The following CACNA2D1 variants were observed in gnomAD, a reference collection of about 807,000 sequenced individuals.
CACNA2D1 encodes voltage-dependent calcium channel subunit alpha-2/delta-1.
Under a neutral mutation model 171.5 loss-of-function variants are expected in CACNA2D1, and 53 were observed. That is an observed-to-expected ratio of 0.31 (90% CI 0.25 to 0.39). The LOEUF (loss-of-function observed/expected upper bound fraction) is 0.39, where lower values mean the gene tolerates loss of function less well. Ranked by LOEUF, CACNA2D1 falls within the 10% of genes least tolerant of loss-of-function variation. CACNA2D1 has a pLI of 1.00. For synonymous variants in CACNA2D1, 442 were observed against 443.1 expected, an observed-to-expected ratio of 1.00 and a Z score of 0.03; for missense variants, 903 against 1,299.8, an observed-to-expected ratio of 0.69 and a Z score of 4.69.
intron 1 of CACNA2D1, among the ~76,000 whole-genome samples, chr7:82,370,077 G>A (rs1441365215): frequency 1.3e-5 from 2 of 151,844 alleles, no homozygotes; most frequent in Non-Finnish European, 2.9e-5. Flanking sequence ...ATAGAGATAT[G>A]TGAAAAAAAT....
intron 3 of CACNA2D1, among the ~76,000 whole-genome samples, chr7:82,198,162 C>T (rs776841085): frequency 2.0e-5 from 3 of 152,078 alleles, no homozygotes; most frequent in South Asian, 2.1e-4. Flanking sequence ...CAGCACTCTA[C>T]AGACATAATA....
intron 3 of CACNA2D1, among the ~76,000 whole-genome samples, chr7:82,185,408 A>T (rs1241070396): frequency 2.0e-5 from 3 of 146,884 alleles, no homozygotes; most frequent in African/African-American, 7.6e-5. Flanking sequence ...AAAAGGAGCA[A>T]TGTTACTATC....
chr7:82,322,380 T>G (rs1816085231), intron 3 of CACNA2D1, among the ~76,000 whole-genome samples: 1 of 141,750 alleles, frequency 7.1e-6, no homozygotes, highest in Non-Finnish European at 1.5e-5. Flanking sequence ...TTTGGCAGAC[T>G]GAAGTGGGAG....
intron 3 of CACNA2D1, among the ~76,000 whole-genome samples, chr7:82,183,242 T>C (rs1485216499): frequency 1.3e-5 from 2 of 152,152 alleles, no homozygotes; most frequent in East Asian, 3.9e-4. Context: ...TAAAACAGCC[T>C]GAATGATTAA....
intron 3 of CACNA2D1, among the ~76,000 whole-genome samples, chr7:82,210,289 T>C (rs148040250): frequency 0.011 from 1,722 of 152,308 alleles, 18 homozygotes; most frequent in Non-Finnish European, 0.017. Context: ...ATGCCTCATT[T>C]ACTCTATTTA....
chr7:82,294,266 T>G (rs1812001201), intron 3 of CACNA2D1, among the ~76,000 whole-genome samples: 2 of 152,156 alleles, frequency 1.3e-5, no homozygotes, highest in African/African-American at 4.8e-5. Context: ...TAAAAATAAC[T>G]TGGCCTTTAT....
At chr7:82,010,113 C>T (rs564766665) in intron 15 of CACNA2D1, among the ~76,000 whole-genome samples, 4 of 152,172 alleles carry the variant, frequency 2.6e-5, no homozygotes, top group Middle Eastern at 6.8e-3. Context: ...TTTTCTTAAC[C>T]ACAACCCACT....
rs1791673679 is a variant in CACNA2D1 at position 82,136,794 on chromosome 7, T to C, written c.355-118A>G. The stretch of plus-strand genomic sequence containing the variant: ...CTTGTCATCTTTCTTTCACAATATA[T>C]TCCACAATGATCCATAAGGATTAGC... On this transcript the variant is annotated intron_variant, in intron 4 of 38. Transcript: ENST00000356860. 5 of 738,790 alleles carry C rather than the reference T, an allele frequency of 6.8e-6. No homozygotes were observed. In the South Asian group the frequency reaches 7.0e-5, roughly 10 times the overall value. The allele number at this position is 738,790 out of a possible 1,614,324, so 45.8% of individuals were successfully genotyped here.
chr7:82,286,170 T>G (rs1250513804), intron 3 of CACNA2D1, among the ~76,000 whole-genome samples: 1 of 152,166 alleles, frequency 6.6e-6, no homozygotes, highest in Non-Finnish European at 1.5e-5. Context: ...TAGATATTAC[T>G]TGCTATCTAG....
chr7:82,145,699 A>G (rs1792949857), intron 4 of CACNA2D1, among the ~76,000 whole-genome samples: 1 of 148,624 alleles, frequency 6.7e-6, no homozygotes, highest in Non-Finnish European at 1.5e-5. Context: ...CTGTATATAT[A>G]TTATACACAA....
intron 19 of CACNA2D1, among the ~76,000 whole-genome samples, chr7:81,996,632 T>A (rs1798074922): frequency 6.7e-6 from 1 of 149,212 alleles, no homozygotes; most frequent in African/African-American, 2.5e-5. Flanking sequence ...ATGACTAACA[T>A]ATATCATATA....
chr7:81,981,415 CA>C (rs1159165148), intron 24 of CACNA2D1, among the ~76,000 whole-genome samples: 3 of 152,110 alleles, frequency 2.0e-5, no homozygotes, highest in Non-Finnish European at 4.4e-5. Flanking sequence ...TACGGGCATT[CA>C]AAAAGCCAAG....
At position 82,295,047 on chromosome 7, in the gene CACNA2D1, C is replaced by T. The variant is rs545342358; in HGVS notation, c.294+40088G>A. Reference sequence around the variant, plus strand: ...ACTTGCCATCTAATTATTAATTACACAAAAATCTTTCAGGAAAGGAAGTGA... The same window carrying T: ...ACTTGCCATCTAATTATTAATTACATAAAAATCTTTCAGGAAAGGAAGTGA... On this transcript the variant is annotated intron_variant, in intron 3 of 38. Transcript: ENST00000356860. Among the ~76,000 whole-genome samples, 4 of 152,174 alleles carry T rather than the reference C, an allele frequency of 2.6e-5. No individual in the cohort carries two copies. The East Asian group carries it at 7.7e-4, about 29-fold the overall frequency.
chr7:82,077,550 T>C (rs1461824832), intron 7 of CACNA2D1, among the ~76,000 whole-genome samples: 4 of 152,170 alleles, frequency 2.6e-5, no homozygotes, highest in Admixed American at 6.5e-5. Flanking sequence ...CTGATTGACA[T>C]GAGTAAAAAC....
At chr7:82,141,282 C>T (rs1480503848) in intron 4 of CACNA2D1, among the ~76,000 whole-genome samples, 1 of 151,892 alleles carries the variant, frequency 6.6e-6, no homozygotes, top group African/African-American at 2.4e-5. Context: ...ATGATTCACA[C>T]CAAATCAACT....
intron 38 of CACNA2D1, among the ~76,000 whole-genome samples, chr7:81,957,862 G>C (rs778328596): frequency 1.3e-5 from 2 of 151,994 alleles, no homozygotes; most frequent in Non-Finnish European, 2.9e-5. Flanking sequence ...TAGCCTCCTA[G>C]AATAATATTT....
intron 1 of CACNA2D1, among the ~76,000 whole-genome samples, chr7:82,374,104 T>G (rs1228917947): frequency 6.6e-6 from 1 of 152,192 alleles, no homozygotes; most frequent in Non-Finnish European, 1.5e-5. Context: ...AGTTCCAATA[T>G]AGCTTACTTG....
chr7:82,045,565 C>T (rs900714404), intron 10 of CACNA2D1, among the ~76,000 whole-genome samples: 1 of 152,034 alleles, frequency 6.6e-6, no homozygotes, highest in African/African-American at 2.4e-5. Flanking sequence ...TTACAAATAG[C>T]GAAATTTCCC....
intron 5 of CACNA2D1, among the ~76,000 whole-genome samples, chr7:82,124,574 T>C (rs1790117749): frequency 6.6e-6 from 1 of 152,146 alleles, no homozygotes; most frequent in Non-Finnish European, 1.5e-5. Flanking sequence ...TCTACTTCAT[T>C]TACACAGAGT....
Sources: gnomAD v4.1 joint callset for allele counts (sites outside exome capture counted in the v4.1 genomes callset) on GRCh38, gnomAD v4.1.1 for gene constraint, MANE v1.5 for transcripts, NCBI Gene and HGNC (gene_info 2026-07-23, HGNC 2026-07-21) for gene names.